Variants in FRMD4B observed in about 807,000 individuals in gnomAD.
The protein encoded by FRMD4B is FERM domain containing 4B.
Under a neutral mutation model 141.5 loss-of-function variants are expected in FRMD4B, and 74 were observed. The ratio of observed to expected loss-of-function variants is 0.52; its 90% CI spans 0.43 to 0.63. The LOEUF (loss-of-function observed/expected upper bound fraction) is 0.63, where lower values mean the gene tolerates loss of function less well. Among genes scored for constraint, FRMD4B ranks in the 30% least tolerant of loss-of-function variants. The pLI, the probability that FRMD4B is intolerant of heterozygous loss-of-function variation, is 0.00. For missense variants in FRMD4B, 1,366 were observed against 1,253.4 expected (o/e 1.09, Z -1.36); for synonymous variants, 506 against 467.9 (o/e 1.08, Z -1.05).
chr3:69,325,112 A>AGAAAGAAAGAAAGAAAGAAT (rs1553724266), intron 1 of FRMD4B, among the ~76,000 whole-genome samples: 255 of 151,380 alleles, frequency 1.7e-3, no homozygotes, highest in Non-Finnish European at 2.5e-3. Flanking sequence ...AAAGAAAGAA[A>AGAAAGAAAGAAAGAAAGAAT]GAAAGAAAGA....
At chr3:69,450,782 CCAA>C (rs1705484978) in intron 1 of FRMD4B, among the ~76,000 whole-genome samples, 1 of 67,522 alleles carries the variant, frequency 1.5e-5, no homozygotes, top group Admixed American at 1.5e-4. Context: ...CAACAAAACC[CCAA>C]CAACAAAACA....
At chr3:69,213,058 A>G (rs1431315793) in intron 11 of FRMD4B, among the ~76,000 whole-genome samples, 1 of 152,192 alleles carries the variant, frequency 6.6e-6, no homozygotes, top group African/African-American at 2.4e-5. Context: ...GAAGTGGTTA[A>G]ATAAATTATG....
chr3:69,372,747 G>A (rs6549212), intron 1 of FRMD4B, among the ~76,000 whole-genome samples: 150,223 of 152,366 alleles, frequency 0.99, 74,097 homozygotes, highest in East Asian at 1. Flanking sequence ...TATCCAGTGT[G>A]TATTATGGTC....
intron 1 of FRMD4B, among the ~76,000 whole-genome samples, chr3:69,336,252 T>G (rs528344216): frequency 6.6e-6 from 1 of 152,282 alleles, no homozygotes; most frequent in South Asian, 2.1e-4. Flanking sequence ...AAGTGTGGTC[T>G]TAGGACTCAC....
At position 69,169,441 on chromosome 3, in the gene FRMD4B, T is replaced by C. The variant is rs111299865; in HGVS notation, c.*2420A>G. ...GGCACGATCCTGGCTCACTGCAACC[T>C]CCGCCTCCTGGGCTCAAGATATCCT... is the stretch of plus-strand genomic sequence containing the variant. On this transcript the variant is annotated 3_prime_UTR_variant, in exon 23 of 23. Transcript: ENST00000398540. Among the ~76,000 whole-genome samples, 1,020 of 141,458 alleles carry C rather than the reference T, an allele frequency of 7.2e-3. 10 individuals carry two copies. Among genetic ancestry groups the C allele is most frequent in the African/African-American group, 0.025 (969 of 38,504 alleles). 92.8% of individuals were successfully genotyped at this position (141,458 alleles called of 152,430 possible). A position where few individuals can be genotyped will look rare whatever the true frequency, so the allele number is the denominator to read the frequency against.
At chr3:69,257,789 GT>G (rs958286849) in intron 5 of FRMD4B, among the ~76,000 whole-genome samples, 3 of 151,558 alleles carry the variant, frequency 2.0e-5, no homozygotes, top group African/African-American at 7.3e-5. Context: ...AGCCTCCTGA[GT>G]AGCCGGGACT....
At chr3:69,427,669 T>TTTTTTTTTTTTTTTTTTC (rs1705109771) in intron 2 of FRMD4B, among the ~76,000 whole-genome samples, 1 of 139,540 alleles carries the variant, frequency 7.2e-6, no homozygotes, top group Non-Finnish European at 1.5e-5. Flanking sequence ...TTTTTTTTTT[T>TTTTTTTTTTTTTTTTTTC]TTTTGAGACA....
At chr3:69,239,138 CAG>C (rs1479535905) in intron 7 of FRMD4B, among the ~76,000 whole-genome samples, 2 of 152,142 alleles carry the variant, frequency 1.3e-5, no homozygotes, top group African/African-American at 4.8e-5. Context: ...CTTGGTTTGA[CAG>C]AGTCTATTGG....
intron 2 of FRMD4B, among the ~76,000 whole-genome samples, chr3:69,403,435 T>C (rs2106757958): frequency 1.3e-5 from 2 of 152,298 alleles, no homozygotes; most frequent in South Asian, 2.1e-4. Context: ...TAACATAGCA[T>C]TGTAACAGAG....
Position 69,230,346 on chromosome 3 carries a change from A to C in FRMD4B, c.582-5656T>G, listed in dbSNP as rs75329055. Reference sequence around the variant, plus strand: ...TGAAGTGCAATAGGAACTCTCATCCATTACTAGTAAGAGTGTCAATCGGTA... The same window carrying C: ...TGAAGTGCAATAGGAACTCTCATCCCTTACTAGTAAGAGTGTCAATCGGTA... On this transcript the variant is annotated intron_variant, in intron 7 of 22. Transcript: ENST00000398540. 1.9e-3 allele frequency among the ~76,000 whole-genome samples: 294 copies of C among 152,320 alleles called. 2 individuals carry two copies. Among genetic ancestry groups the C allele is most frequent in the African/African-American group, 6.8e-3 (282 of 41,578 alleles).
At chr3:69,325,782 G>C (rs948695426) in intron 1 of FRMD4B, among the ~76,000 whole-genome samples, 1 of 152,152 alleles carries the variant, frequency 6.6e-6, no homozygotes, top group Admixed American at 6.6e-5. Context: ...GTATAGGTTA[G>C]GTGTTAGAGT....
chr3:69,283,432 A>C (rs1332567270), intron 5 of FRMD4B, among the ~76,000 whole-genome samples: 6 of 15,842 alleles, frequency 3.8e-4, no homozygotes, highest in East Asian at 1.7e-3. Context: ...ACAACAACAA[A>C]AAAAAAAAAA....
chr3:69,482,829 C>A (rs564896131), intron 1 of FRMD4B, among the ~76,000 whole-genome samples: 1 of 152,224 alleles, frequency 6.6e-6, no homozygotes, highest in East Asian at 1.9e-4. Flanking sequence ...AACTGTTACT[C>A]TTTTTTGGTT....
intron 19 of FRMD4B, 43 bp from the exon 20 acceptor site, chr3:69,182,760 C>T: frequency 6.3e-7 from 1 of 1,595,814 alleles, no homozygotes; most frequent in Admixed American, 1.8e-5. Context: ...ATGAGTCTCT[C>T]AACATCTCTG....
chr3:69,202,547 T>G (rs1169681859), intron 11 of FRMD4B, among the ~76,000 whole-genome samples: 1 of 151,712 alleles, frequency 6.6e-6, no homozygotes, highest in East Asian at 1.9e-4. Context: ...AACTAGAATG[T>G]GTTCTAAAGT....
chr3:69,312,463 A>C (rs1167728114), intron 2 of FRMD4B, among the ~76,000 whole-genome samples: 3 of 152,236 alleles, frequency 2.0e-5, no homozygotes, highest in Non-Finnish European at 2.9e-5. Context: ...AGGCCTCAGA[A>C]GAGAAAAGAA....
chr3:69,333,873 A>C (rs1639130353), intron 1 of FRMD4B: 1 of 152,204 alleles, frequency 6.6e-6, no homozygotes, highest in African/African-American at 2.4e-5. Context: ...GGTGTCAGAT[A>C]ACCAAAACTT....
intron 5 of FRMD4B, among the ~76,000 whole-genome samples, chr3:69,263,219 T>C (rs1488606696): frequency 6.6e-6 from 1 of 152,004 alleles, no homozygotes; most frequent in African/African-American, 2.4e-5. Context: ...TTTGTGCCAC[T>C]GCACTCCAAC....
rs145944548 is a variant in FRMD4B, at chr3:69,275,876, C to T, written c.501+11876G>A. 3.5e-3 allele frequency among the ~76,000 whole-genome samples: 534 copies of T among 152,252 alleles called. 6 individuals carry two copies. Among genetic ancestry groups the T allele is most frequent in the African/African-American group, 0.012 (496 of 41,552 alleles). ...CTTAGAAAGCAAAAGCTTTTCCAAT[C>T]TCACTCTCAGAAATAATAAATATTT... On this transcript the variant is annotated intron_variant, in intron 5 of 22. Coordinates refer to ENST00000398540, the MANE Select transcript of FRMD4B (RefSeq NM_015123.3).
Sources: gnomAD v4.1 joint callset for allele counts (sites outside exome capture counted in the v4.1 genomes callset) on GRCh38, gnomAD v4.1.1 for gene constraint, MANE v1.5 for transcripts, NCBI Gene and HGNC (gene_info 2026-07-23, HGNC 2026-07-21) for gene names.